Variants in LRRTM3 observed in about 807,000 individuals in gnomAD.
LRRTM3 encodes the protein leucine-rich repeat transmembrane neuronal protein 3.
Under a neutral mutation model 44.7 loss-of-function variants are expected in LRRTM3, and 24 were observed. The ratio of observed to expected loss-of-function variants is 0.54; its 90% confidence interval spans 0.39 to 0.76. LRRTM3 has a LOEUF of 0.76. LRRTM3 is among the 30% of genes least tolerant of loss of function. The pLI is 0.00. For synonymous variants in LRRTM3, 277 were observed against 278.7 expected (o/e 0.99, Z 0.06); for missense variants, 587 against 702.2 (o/e 0.84, Z 1.85).
At chr10:67,061,970 A>G (rs933052734) in intron 2 of LRRTM3, among the ~76,000 whole-genome samples, 3 of 152,164 alleles carry the variant, frequency 2.0e-5, no homozygotes, top group Admixed American at 2.0e-4. Flanking sequence ...CAATCTTAGG[A>G]AATAGCCACC....
chr10:67,042,621 G>A (rs573590397), intron 2 of LRRTM3, among the ~76,000 whole-genome samples: 1 of 151,848 alleles, frequency 6.6e-6, no homozygotes, highest in South Asian at 2.1e-4. Context: ...GAGAAAGGAA[G>A]TCATGGAAGA....
intron 2 of LRRTM3, among the ~76,000 whole-genome samples, chr10:66,986,371 C>T (rs1225582613): frequency 4.6e-5 from 7 of 152,072 alleles, no homozygotes; most frequent in African/African-American, 4.8e-5. Flanking sequence ...GTGGCACATG[C>T]CTATAGTCCC....
At chr10:67,062,820 A>C (rs1201460476) in intron 2 of LRRTM3, among the ~76,000 whole-genome samples, 2 of 152,158 alleles carry the variant, frequency 1.3e-5, no homozygotes, top group African/African-American at 4.8e-5. Context: ...AGAAAAATTA[A>C]TTTTCCTCCA....
chr10:67,065,534 A>C (rs1274909984), intron 2 of LRRTM3, among the ~76,000 whole-genome samples: 2 of 152,108 alleles, frequency 1.3e-5, no homozygotes, highest in Non-Finnish European at 2.9e-5. Flanking sequence ...TCCTGGGCCC[A>C]CAGGAAGTAT....
At chr10:67,011,685 G>A (rs1008022353) in intron 2 of LRRTM3, among the ~76,000 whole-genome samples, 2 of 152,038 alleles carry the variant, frequency 1.3e-5, no homozygotes, top group Non-Finnish European at 2.9e-5. Flanking sequence ...CAAATATATA[G>A]AGTGCTTACA....
At chr10:67,023,195 A>G (rs1853140504) in intron 2 of LRRTM3, among the ~76,000 whole-genome samples, 1 of 152,126 alleles carries the variant, frequency 6.6e-6, no homozygotes, top group East Asian at 1.9e-4. Flanking sequence ...ATAAAGGAAA[A>G]GATGGTATGG....
intron 2 of LRRTM3, among the ~76,000 whole-genome samples, chr10:67,041,838 T>C (rs1011301873): frequency 6.6e-6 from 1 of 152,126 alleles, no homozygotes; most frequent in South Asian, 2.1e-4. Context: ...TGATATATTG[T>C]ATTCAGGTTA....
intron 2 of LRRTM3, among the ~76,000 whole-genome samples, chr10:67,076,227 C>G (rs1001647311): frequency 2.6e-5 from 4 of 152,236 alleles, no homozygotes; most frequent in Non-Finnish European, 2.9e-5. Context: ...CTCCACCATC[C>G]TTATCTCTAA....
intron 2 of LRRTM3, among the ~76,000 whole-genome samples, chr10:66,963,153 G>C (rs1020500799): frequency 2.0e-5 from 3 of 152,118 alleles, no homozygotes; most frequent in African/African-American, 7.2e-5. Flanking sequence ...AGTACTTACA[G>C]TATTTGCTAT....
At chr10:67,083,545 T>G (rs1857152716) in intron 2 of LRRTM3, among the ~76,000 whole-genome samples, 1 of 152,216 alleles carries the variant, frequency 6.6e-6, no homozygotes, top group Admixed American at 6.5e-5. Context: ...TGTGAATTGT[T>G]TTTATTTTTT....
At chr10:67,008,295 T>C (rs1852123967) in intron 2 of LRRTM3, among the ~76,000 whole-genome samples, 1 of 152,152 alleles carries the variant, frequency 6.6e-6, no homozygotes, top group South Asian at 2.1e-4. Context: ...TGTTCATTCA[T>C]AGTTTCTATT....
intron 2 of LRRTM3, among the ~76,000 whole-genome samples, chr10:67,008,252 T>C (rs546887148): frequency 2.8e-3 from 420 of 152,268 alleles, no homozygotes; most frequent in Non-Finnish European, 4.0e-3. Flanking sequence ...TGTTTTATCC[T>C]AACTTCCATC....
rs191512216 is a variant in LRRTM3 at position 67,079,144 on chromosome 10, C to T, written c.1537-18443C>T. On this transcript the variant is annotated intron_variant, in intron 2 of 2. Coordinates refer to ENST00000361320, the MANE Select transcript of LRRTM3 (RefSeq NM_178011.5). ...TTTCAGAGACAAGATTTGCATTCCC[C>T]TTTTGGTTTCTCTGATGTTCTGCTG... Among the ~76,000 whole-genome samples the T allele has an allele frequency of 1.5e-3, 226 of 152,302 alleles. 1 individual carries two copies. The highest frequency in any genetic ancestry group is 7.5e-3 in the South Asian group (36 of 4,818).
intron 2 of LRRTM3, 135 bp downstream of exon 2, chr10:66,928,587 C>T (rs1050649886): frequency 2.6e-6 from 2 of 775,322 alleles, no homozygotes; most frequent in African/African-American, 3.5e-5. Context: ...TGGCAAGATC[C>T]TTCCTTGTCC....
rs532857642 is a variant in LRRTM3 at position 66,942,360 on chromosome 10, A to C, written c.1536+13908A>C. On this transcript the variant is annotated intron_variant, in intron 2 of 2. Transcript: ENST00000361320. The stretch of plus-strand genomic sequence containing the variant: ...CCAGCAATTTGCAAGCCCGTTATTA[A>C]TATCCTTTAATGGACTTGCTCTATT... Among the ~76,000 whole-genome samples, 109 of 152,312 alleles carry C rather than the reference A, an allele frequency of 7.2e-4. 1 individual carries two copies. The highest frequency in any genetic ancestry group is 2.5e-3 in the African/African-American group (105 of 41,564).
intron 2 of LRRTM3, among the ~76,000 whole-genome samples, chr10:66,985,043 C>G (rs188664306): frequency 1.8e-3 from 275 of 152,246 alleles, no homozygotes; most frequent in African/African-American, 5.1e-3. Flanking sequence ...CTCATCCCTG[C>G]CTTTGTTTCT....
At chr10:66,958,492 A>G (rs976268779) in intron 2 of LRRTM3, among the ~76,000 whole-genome samples, 2 of 152,072 alleles carry the variant, frequency 1.3e-5, no homozygotes, top group Non-Finnish European at 2.9e-5. Context: ...CATATAGCTC[A>G]GATTATTAGC....
At chr10:66,936,460 G>GT (rs1006286555) in intron 2 of LRRTM3, among the ~76,000 whole-genome samples, 1 of 151,972 alleles carries the variant, frequency 6.6e-6, no homozygotes, top group Non-Finnish European at 1.5e-5. Context: ...TTTTCCTGGT[G>GT]TTTTTTTGTT....
rs370545577 is a variant in LRRTM3, at chr10:66,977,824, T to C, written c.1536+49372T>C. 2.6e-5 allele frequency among the ~76,000 whole-genome samples: 4 copies of C among 152,322 alleles called. 1 individual carries two copies. The highest frequency in any genetic ancestry group is 2.4e-5 in the African/African-American group (1 of 41,584). On this transcript the variant is annotated intron_variant, in intron 2 of 2. Transcript: ENST00000361320. ...ACTTCCAATTGTCACTAAAGATATG[T>C]CATGCTTTATAGCCTCCTATATGTC...
Sources: gnomAD v4.1 joint callset for allele counts (sites outside exome capture counted in the v4.1 genomes callset) on GRCh38, gnomAD v4.1.1 for gene constraint, MANE v1.5 for transcripts, NCBI Gene and HGNC (gene_info 2026-07-23, HGNC 2026-07-21) for gene names.